CFAP54: variants seen among roughly 807,000 people sequenced by gnomAD.
CFAP54 encodes cilia and flagella associated protein 54, also known as cilia- and flagella-associated protein 54.
Under a neutral mutation model 370.4 loss-of-function variants are expected in CFAP54, and 290 were observed. The observed-to-expected ratio is 0.78, with a 90% CI of 0.71 to 0.86. The LOEUF (loss-of-function observed/expected upper bound fraction) is 0.86, where lower values mean the gene tolerates loss of function less well. CFAP54 is among the 40% of genes least tolerant of loss of function. The pLI is 0.00. For missense variants in CFAP54, 3,399 were observed against 3,528.7 expected (o/e 0.96, Z 0.93); for synonymous variants, 1,206 against 1,236.5 (o/e 0.98, Z 0.52).
At position 96,691,256 on chromosome 12, in the gene CFAP54, T is replaced by C; in HGVS notation, c.6210T>C (p.Ile2070=). Residue 2070 remains isoleucine, a synonymous_variant, in exon 44 of 68, where the codon ATT becomes ATC. Transcript: ENST00000524981. ...DRYRADICSV[I]ASLYYIIREL... Reference sequence around the variant, plus strand: ...ACAGGGCTGACATTTGCTCTGTAATTGCAAGTCTGTATTACATTATACGTG... The same window carrying C: ...ACAGGGCTGACATTTGCTCTGTAATCGCAAGTCTGTATTACATTATACGTG... The C allele has an allele frequency of 6.2e-7, 1 of 1,612,368 alleles. No homozygotes were observed. The highest frequency in any genetic ancestry group is 1.7e-4 in the Middle Eastern group (1 of 6,052).
chr12:96,580,544 TACA>T, intron 20 of CFAP54, 50 bp from the exon 21 acceptor site: 1 of 934,498 alleles, frequency 1.1e-6, no homozygotes, highest in Non-Finnish European at 1.5e-6. Context: ...TTTTTTTTGT[TACA>T]TTGATATAAA....
chr12:96,796,097 A>T (rs1407428680), intron 63 of CFAP54, among the ~76,000 whole-genome samples: 1 of 152,144 alleles, frequency 6.6e-6, no homozygotes, highest in South Asian at 2.1e-4. Flanking sequence ...GAGGGTGGAC[A>T]TTCCCCCTCT....
intron 66 of CFAP54, among the ~76,000 whole-genome samples, chr12:96,859,710 A>G (rs1199113959): frequency 6.6e-6 from 1 of 152,170 alleles, no homozygotes; most frequent in Non-Finnish European, 1.5e-5. Context: ...TGACCCCAGG[A>G]TGCACACTCT....
intron 2 of CFAP54, among the ~76,000 whole-genome samples, chr12:96,502,632 G>A (rs77407708): frequency 0.022 from 3,303 of 152,208 alleles, 47 homozygotes; most frequent in Non-Finnish European, 0.033. Flanking sequence ...GACTGAAGAT[G>A]CCTCCCAAGG....
At chr12:96,524,631 G>A (rs754619048) in intron 8 of CFAP54, among the ~76,000 whole-genome samples, 1 of 152,176 alleles carries the variant, frequency 6.6e-6, no homozygotes, top group Non-Finnish European at 1.5e-5. Flanking sequence ...TCAGAGCATG[G>A]TCATAGCTTA....
Position 96,644,196 on chromosome 12 carries a change from T to C in CFAP54, c.4335T>C (p.Val1445=), listed in dbSNP as rs544389448. ...VAHERNRRTS[V]RKAAQRYLMD... ...TTGGCAGAAATAGGAGAACCAGTGTTAGGAAAGCAGCACAACGATACCTGA... is the reference window on the plus strand; with the variant it reads ...TTGGCAGAAATAGGAGAACCAGTGTCAGGAAAGCAGCACAACGATACCTGA... The change falls in exon 33 of 68, where the codon GTT becomes GTC. Residue 1445 remains valine (V), a synonymous_variant. Coordinates refer to ENST00000524981, the MANE Select transcript of CFAP54 (RefSeq NM_001306084.2). 6.5e-7 allele frequency: 1 copy of C among 1,535,138 alleles called. No individual in the cohort carries two copies. Among genetic ancestry groups the C allele is most frequent in the Non-Finnish European group, 8.7e-7 (1 of 1,146,208 alleles).
chr12:96,769,287 C>T (rs1382033915), intron 60 of CFAP54, among the ~76,000 whole-genome samples: 1 of 152,146 alleles, frequency 6.6e-6, no homozygotes, highest in Non-Finnish European at 1.5e-5. Flanking sequence ...TTTAGGATTA[C>T]TGGTCCCAGA....
intron 50 of CFAP54, 31 bp downstream of exon 50, chr12:96,720,596 C>A (rs986961222): frequency 1.1e-5 from 15 of 1,373,568 alleles, no homozygotes; most frequent in Non-Finnish European, 1.4e-5. Context: ...GGGAGGGATA[C>A]CTTTGAAGAG....
intron 45 of CFAP54, among the ~76,000 whole-genome samples, chr12:96,699,606 T>C (rs534634297): frequency 6.6e-6 from 1 of 152,302 alleles, no homozygotes; most frequent in South Asian, 2.1e-4. Flanking sequence ...TTTTGTTTTG[T>C]TTTTCTTTTG....
At chr12:96,602,492 T>C (rs1254654044) in intron 26 of CFAP54, among the ~76,000 whole-genome samples, 1 of 152,180 alleles carries the variant, frequency 6.6e-6, no homozygotes, top group Non-Finnish European at 1.5e-5. Flanking sequence ...CAGAGATGAG[T>C]TCAAGTCCTT....
intron 32 of CFAP54, among the ~76,000 whole-genome samples, chr12:96,634,912 G>C (rs1384137543): frequency 6.6e-6 from 1 of 152,118 alleles, no homozygotes; most frequent in Non-Finnish European, 1.5e-5. Context: ...ATCTATTTCT[G>C]AGTTCTGTAT....
intron 64 of CFAP54, among the ~76,000 whole-genome samples, chr12:96,814,930 A>AT (rs1323865008): frequency 6.6e-6 from 1 of 151,878 alleles, no homozygotes; most frequent in Non-Finnish European, 1.5e-5. Context: ...GTTATGTGCC[A>AT]TTTTTTCTTT....
chr12:96,604,941 G>T (rs1416953525), intron 26 of CFAP54, among the ~76,000 whole-genome samples: 1 of 152,214 alleles, frequency 6.6e-6, no homozygotes, highest in African/African-American at 2.4e-5. Flanking sequence ...TCTGGGTGAG[G>T]TGACGCCCTG....
At chr12:96,834,439 G>A (rs1959179748) in intron 66 of CFAP54, among the ~76,000 whole-genome samples, 1 of 152,256 alleles carries the variant, frequency 6.6e-6, no homozygotes, top group African/African-American at 2.4e-5. Context: ...GTCAGGTGTG[G>A]AGCAGCAAGG....
At chr12:96,765,469 T>A (rs959605426) in intron 60 of CFAP54, among the ~76,000 whole-genome samples, 1 of 152,214 alleles carries the variant, frequency 6.6e-6, no homozygotes, top group African/African-American at 2.4e-5. Context: ...ATTTTACATC[T>A]GTTTCTTTTC....
chr12:96,636,703 C>T (rs997561545), intron 32 of CFAP54, among the ~76,000 whole-genome samples: 1 of 152,088 alleles, frequency 6.6e-6, no homozygotes, highest in East Asian at 1.9e-4. Context: ...TGCTTGTAAT[C>T]CCAGAACTTT....
In CFAP54 at chr12:96,598,692, C is replaced by A. The variant is rs1305554315; in HGVS notation, c.3564C>A (p.Val1188=). ...IVVLQGLPSI[V]CSKKHTASFE... is the part of the protein sequence containing the mutation. ...TTTTGCAAGGACTACCAAGTATTGT[C>A]TGCTCGAAGAAACATACTGCGAGCT... Residue 1188 remains valine (V), a synonymous_variant, in exon 26 of 68, where the codon GTC becomes GTA. Coordinates refer to ENST00000524981, the MANE Select transcript of CFAP54 (RefSeq NM_001306084.2). 24 of 680,708 alleles carry A rather than the reference C, an allele frequency of 3.5e-5. No homozygotes were observed. The highest frequency in any genetic ancestry group is 5.4e-5 in the East Asian group (2 of 36,840). 42.2% of individuals were successfully genotyped at this position (680,708 alleles called of 1,614,324 possible). A position where few individuals can be genotyped will look rare whatever the true frequency, so the allele number is the denominator to read the frequency against.
chr12:96,646,589 A>G (rs1301202347), intron 33 of CFAP54: 3 of 152,234 alleles, frequency 2.0e-5, no homozygotes, highest in Non-Finnish European at 4.4e-5. Flanking sequence ...TGACCCAGCC[A>G]TCCCATTACT....
intron 29 of CFAP54, among the ~76,000 whole-genome samples, chr12:96,626,474 C>T (rs1956550432): frequency 6.6e-6 from 1 of 151,708 alleles, no homozygotes; most frequent in Non-Finnish European, 1.5e-5. Flanking sequence ...TTGATTAATT[C>T]AGAGTGAAAT....
Sources: allele counts gnomAD v4.1 joint callset (sites outside exome capture counted in the v4.1 genomes callset), GRCh38; gene constraint gnomAD v4.1.1; transcripts MANE v1.5; gene names NCBI Gene and HGNC (gene_info 2026-07-23, HGNC 2026-07-21).